Variants in PPP5C observed in about 807,000 individuals in gnomAD.
PPP5C encodes the protein protein phosphatase 5 catalytic subunit.
PPP5C carries 21 observed loss-of-function variants against 66.7 expected under a neutral mutation model. The ratio of observed to expected loss-of-function variants is 0.31; its 90% CI spans 0.22 to 0.45. The LOEUF is 0.45. Ranked by LOEUF, PPP5C falls within the 20% of genes least tolerant of loss-of-function variation. The pLI is 1.00. For missense variants in PPP5C, 464 were observed against 675.9 expected (o/e 0.69, Z 3.48); for synonymous variants, 246 against 257.4 (o/e 0.96, Z 0.43).
At chr19:46,355,232 A>T (rs1367582702) in intron 2 of PPP5C, among the ~76,000 whole-genome samples, 1 of 152,196 alleles carries the variant, frequency 6.6e-6, no homozygotes, top group South Asian at 2.1e-4. Flanking sequence ...GGGATGGTGC[A>T]GCAGGGGGCT....
intron 2 of PPP5C, among the ~76,000 whole-genome samples, chr19:46,358,642 C>T (rs1972328183): frequency 6.6e-6 from 1 of 152,128 alleles, no homozygotes; most frequent in African/African-American, 2.4e-5. Context: ...TGAGGACCAG[C>T]CTGGGAGCCT....
intron 2 of PPP5C, among the ~76,000 whole-genome samples, chr19:46,369,575 T>C (rs1972548788): frequency 6.9e-6 from 1 of 143,952 alleles, no homozygotes; most frequent in Non-Finnish European, 1.5e-5. Flanking sequence ...GAGCTTGCAG[T>C]GAGCGGACAT....
intron 2 of PPP5C, among the ~76,000 whole-genome samples, chr19:46,359,165 T>C (rs1307834666): frequency 2.0e-5 from 3 of 152,016 alleles, no homozygotes; most frequent in African/African-American, 7.3e-5. Flanking sequence ...AGGAGATGGC[T>C]CAGTGAGGAA....
Position 46,388,704 on chromosome 19 carries a change from T to C in PPP5C, c.1328T>C (p.Val443Ala). The change falls in exon 11 of 13, where the codon GTC becomes GCC. Residue 443 changes from valine to alanine, a missense_variant. By Grantham distance (64) the Val-to-Ala change is moderately conservative. Transcript: ENST00000012443. This position sits in a 1 kb window ranked among gnomAD's most constrained non-coding sequence, Gnocchi z 4.9. Reference protein sequence around the residue: ...GYEVAHGGRCVTVFSAPNYCD... With the variant: ...GYEVAHGGRCATVFSAPNYCD... The stretch of plus-strand genomic sequence containing the variant: ...GAGGTGGCTCACGGAGGCCGCTGTG[T>C]CACCGTCTTCTCTGCCCCCAACTAC... 1 of 1,614,146 alleles carries C rather than the reference T, an allele frequency of 6.2e-7. No homozygotes were observed.
At chr19:46,384,969 C>T in intron 7 of PPP5C, 60 bp downstream of exon 7, 1 of 1,273,706 alleles carries the variant, frequency 7.9e-7, no homozygotes, top group South Asian at 1.2e-5. Context: ...GGCACTCACT[C>T]TGCAAGGATA....
chr19:46,390,239 G>T lies in PPP5C; in HGVS notation c.1438-45G>T, dbSNP rs756592271. ...AGGTTCTGCCGGTGGGTGCTCAGGG[G>T]CTCTGTTCTGACTTCTGTCCATCCC... is the stretch of plus-strand genomic sequence containing the variant. On this transcript the variant is annotated intron_variant, in intron 12 of 12. Coordinates refer to ENST00000012443, the MANE Select transcript of PPP5C (RefSeq NM_006247.4). The T allele has an allele frequency of 7.5e-6, 12 of 1,597,946 alleles. No homozygotes were observed. The East Asian group carries it at 1.4e-4, about 18-fold the overall frequency.
chr19:46,387,333 C>T, intron 8 of PPP5C, 33 bp from the exon 9 acceptor site: 1 of 1,607,744 alleles, frequency 6.2e-7, no homozygotes, highest in East Asian at 2.2e-5. Context: ...TGGGTGGCAC[C>T]TTCCCTCACA....
rs747950160 is a variant in PPP5C, at chr19:46,383,735, T to A, written c.700-45T>A. On this transcript the variant is annotated intron_variant, in intron 5 of 12. Coordinates refer to ENST00000012443, the MANE Select transcript of PPP5C (RefSeq NM_006247.4). This position sits in a 1 kb window ranked among gnomAD's most constrained non-coding sequence, Gnocchi z 5.0. ...CCCTCACCTCTGCCCCCTCCCCACG[T>A]CTCTCTCTCGGCCCGTCCCTCTCCG... 43 of 1,483,534 alleles carry A rather than the reference T, an allele frequency of 2.9e-5. 1 individual carries two copies. In the South Asian group the frequency reaches 4.9e-4, roughly 17 times the overall value. The allele number at this position is 1,483,534 out of a possible 1,614,324, so 91.9% of individuals were successfully genotyped here.
At chr19:46,363,862 G>A (rs73940693) in intron 2 of PPP5C, among the ~76,000 whole-genome samples, 7,594 of 152,128 alleles carry the variant, frequency 0.05, 358 homozygotes, top group African/African-American at 0.13. Flanking sequence ...TGTATGTATC[G>A]ACAAGTTACA....
At chr19:46,374,996 G>A (rs955713831) in intron 2 of PPP5C, among the ~76,000 whole-genome samples, 1 of 152,210 alleles carries the variant, frequency 6.6e-6, no homozygotes, top group African/African-American at 2.4e-5. Flanking sequence ...GGCCTCCCCA[G>A]AGTGTGAGGG....
In PPP5C at chr19:46,376,449, C is replaced by T. The variant is rs201121180; in HGVS notation, c.512-4C>T. The T allele has an allele frequency of 1.3e-4, 208 of 1,613,142 alleles. No homozygotes were observed. Among genetic ancestry groups the T allele is most frequent in the Non-Finnish European group, 1.7e-4 (198 of 1,179,496 alleles). ...ACTCTCGTGTCCCGTTGTTCACACC[C>T]TAGCCATTGAGGATGAGTACAGCGG... On this transcript the variant is annotated splice_polypyrimidine_tract_variant and splice_region_variant and intron_variant, in intron 3 of 12. Transcript: ENST00000012443. The surrounding 1 kb of genome is among the most constrained non-coding windows in gnomAD (Gnocchi z 5.1).
In PPP5C at chr19:46,389,438, CACACACACACACACACACACACAG is replaced by C. The variant is rs1297229968; in HGVS notation, c.1356-612_1356-589del. ...ACACACACACACACACACACACACA[CACACACACACACACACACACACAG>C]TGTTGATCCCTTGCCCCCACCCGAA... On this transcript the variant is annotated intron_variant, in intron 11 of 12. Coordinates refer to ENST00000012443, the MANE Select transcript of PPP5C (RefSeq NM_006247.4). Among the ~76,000 whole-genome samples, 10 of 84,330 alleles carry C rather than the reference CACACACACACACACACACACACAG, an allele frequency of 1.2e-4. 1 individual carries two copies. The highest frequency in any genetic ancestry group is 4.9e-4 in the African/African-American group (10 of 20,550). 55.3% of individuals were successfully genotyped at this position (84,330 alleles called of 152,430 possible).
rs779924224 is a variant in PPP5C, at chr19:46,388,472, G to A, written c.1176+24G>A. The A allele has an allele frequency of 1.5e-5, 24 of 1,610,960 alleles. No homozygotes were observed. The highest frequency in any genetic ancestry group is 2.0e-5 in the Non-Finnish European group (24 of 1,177,714). On this transcript the variant is annotated intron_variant, in intron 10 of 12. Transcript: ENST00000012443. The surrounding 1 kb of genome is among the most constrained non-coding windows in gnomAD (Gnocchi z 4.9). ...AGGTGAGTCTAGGGTGGGGTGCAGG[G>A]CCGGCGGGTGTGGGCTGTGGCAGCA...
At position 46,387,371 on chromosome 19, in the gene PPP5C, G is replaced by T; in HGVS notation, c.1053G>T (p.Met351Ile). 1 of 1,608,528 alleles carries T rather than the reference G, an allele frequency of 6.2e-7. No homozygotes were observed. The highest frequency in any genetic ancestry group is 8.5e-7 in the Non-Finnish European group (1 of 1,175,474). The change falls in exon 9 of 13, where the codon ATG (methionine) becomes ATT (isoleucine). Residue 351 changes from methionine (M) to isoleucine (I), a missense_variant. Met to Ile is a conservative substitution (Grantham distance 10). Around this residue, in one of 2 missense-constraint regions of PPP5C, gnomAD observed 387 missense variants for 626.0 expected, o/e 0.62. Transcript: ENST00000012443. ...GGCATCCCCCATCTCCCCAGATCAT[G>T]CACGGAGGCCTGTTCAGTGAAGACG... ...AQCINGKVLIMHGGLFSEDGV... is the reference protein window; with the variant it reads ...AQCINGKVLIIHGGLFSEDGV...
At chr19:46,354,051 G>T (rs1048568034) in intron 2 of PPP5C, 62 bp downstream of exon 2, 1 of 1,575,104 alleles carries the variant, frequency 6.3e-7, no homozygotes, top group Admixed American at 1.8e-5. Context: ...GGCTGGGCTG[G>T]CGGGGACGGG....
At chr19:46,351,945 A>T (rs1972193897) in intron 1 of PPP5C, among the ~76,000 whole-genome samples, 2 of 152,322 alleles carry the variant, frequency 1.3e-5, no homozygotes, top group African/African-American at 4.8e-5. Context: ...GATTGCCAGG[A>T]GTTGGCGTGG....
chr19:46,386,128 A>G (rs889771829), intron 7 of PPP5C, among the ~76,000 whole-genome samples: 2 of 152,078 alleles, frequency 1.3e-5, no homozygotes, highest in Non-Finnish European at 2.9e-5. Flanking sequence ...TGTGGCCAGG[A>G]GCTGAGGAGC....
chr19:46,376,485 G>A lies in PPP5C; in HGVS notation c.544G>A (p.Glu182Lys), dbSNP rs1403648313. 2 of 1,613,822 alleles carry A rather than the reference G, an allele frequency of 1.2e-6. No homozygotes were observed. The highest frequency in any genetic ancestry group is 1.7e-6 in the Non-Finnish European group (2 of 1,179,872). ...IEDEYSGPKL[E>K]DGKVTISFMK... ...GGATGAGTACAGCGGACCCAAGCTT[G>A]AAGACGGCAAAGTGACAATCAGTTT... Residue 182 changes from glutamate to lysine, a missense_variant, in exon 4 of 13, where the codon GAA (glutamate) becomes AAA (lysine). By Grantham distance (56) the Glu-to-Lys change is moderately conservative. This residue lies in a region of PPP5C where 387 missense variants were observed against 626.0 expected (regional missense o/e 0.62). Coordinates refer to ENST00000012443, the MANE Select transcript of PPP5C (RefSeq NM_006247.4). The surrounding 1 kb of genome is among the most constrained non-coding windows in gnomAD (Gnocchi z 5.1).
chr19:46,355,713 C>T (rs554281252), intron 2 of PPP5C, among the ~76,000 whole-genome samples: 4 of 152,222 alleles, frequency 2.6e-5, no homozygotes, highest in South Asian at 2.1e-4. Flanking sequence ...TGGCCGCCTC[C>T]GGATGGCTGT....
Sources: gnomAD v4.1 joint callset for allele counts (sites outside exome capture counted in the v4.1 genomes callset) on GRCh38, gnomAD v4.1.1 for gene constraint, gnomAD v4.1.1 regional missense constraint, Gnocchi (gnomAD v3.1) non-coding constraint, MANE v1.5 for transcripts, NCBI Gene and HGNC (gene_info 2026-07-23, HGNC 2026-07-21) for gene names.